The following HCK variants were observed in gnomAD, a reference collection of about 807,000 sequenced individuals.
HCK encodes HCK proto-oncogene, Src family tyrosine kinase, also known as tyrosine-protein kinase HCK.
Under a neutral mutation model 70.4 loss-of-function variants are expected in HCK, and 40 were observed. The observed-to-expected ratio is 0.57, with a 90% CI of 0.44 to 0.74. HCK has a LOEUF of 0.74. Ranked by LOEUF, HCK falls within the 30% of genes least tolerant of loss-of-function variation. The probability of loss-of-function intolerance (pLI) is 0.00; values close to 1 mark genes in which losing one functional copy is unlikely to be tolerated. For missense variants in HCK, 568 were observed against 697.2 expected, an observed-to-expected ratio of 0.81 and a Z score of 2.09; for synonymous variants, 245 against 263.2, an observed-to-expected ratio of 0.93 and a Z score of 0.67.
intron 1 of HCK, among the ~76,000 whole-genome samples, chr20:32,067,198 T>A (rs1231969268): frequency 3.9e-5 from 6 of 152,220 alleles, no homozygotes; most frequent in African/African-American, 1.4e-4. Context: ...CCCTAGTAGC[T>A]TATTTTTCTT....
At position 32,094,769 on chromosome 20, in the gene HCK, GAA is replaced by G. The variant is rs1315755367; in HGVS notation, c.1246+755_1246+756del. On this transcript the variant is annotated intron_variant, in intron 11 of 12. Transcript: ENST00000375852. Reference sequence around the variant, plus strand: ...AGAAAGAAAGAAAGAAAGAAGGAAAGAAAGAAAGAGAGAGAAAGAGAAAGAAA... The same window carrying G: ...AGAAAGAAAGAAAGAAAGAAGGAAAGAGAAAGAGAGAGAAAGAGAAAGAAA... Among the ~76,000 whole-genome samples the G allele has an allele frequency of 2.8e-4, 34 of 119,856 alleles. 1 individual carries two copies. The highest frequency in any genetic ancestry group is 3.4e-4 in the Admixed American group (4 of 11,712). The allele number at this position is 119,856 out of a possible 152,430, so 78.6% of individuals were successfully genotyped here. A position where few individuals can be genotyped will look rare whatever the true frequency, so the allele number is the denominator to read the frequency against.
chr20:32,073,478 A>G (rs1313798348), intron 3 of HCK, 117 bp downstream of exon 3: 1 of 936,406 alleles, frequency 1.1e-6, no homozygotes, highest in Non-Finnish European at 1.6e-6. Flanking sequence ...AGAATCCCCA[A>G]AATTTCCTCT....
chr20:32,060,625 A>T (rs1448504237), intron 1 of HCK, among the ~76,000 whole-genome samples: 1 of 152,212 alleles, frequency 6.6e-6, no homozygotes, highest in Non-Finnish European at 1.5e-5. Flanking sequence ...CTCATATCCT[A>T]TTGGTCAGAT....
At chr20:32,054,080 A>T (rs1379853082) in intron 1 of HCK, 3 of 391,294 alleles carry the variant, frequency 7.7e-6, no homozygotes, top group Non-Finnish European at 1.5e-5. Context: ...AGAATCCACC[A>T]TCCAGAATTA....
At chr20:32,078,921 G>C (rs979369865) in intron 5 of HCK, among the ~76,000 whole-genome samples, 1 of 150,066 alleles carries the variant, frequency 6.7e-6, no homozygotes, top group Non-Finnish European at 1.5e-5. Context: ...GAGCTGTTGG[G>C]TGGATAGCAA....
At chr20:32,061,162 T>G (rs1372091062) in intron 1 of HCK, among the ~76,000 whole-genome samples, 1 of 152,160 alleles carries the variant, frequency 6.6e-6, no homozygotes, top group Non-Finnish European at 1.5e-5. Flanking sequence ...TTTTGTATTT[T>G]TAGTAGAGAC....
In HCK at chr20:32,071,707, A is replaced by G; in HGVS notation, c.108A>G (p.Thr36=). Reference sequence around the variant, plus strand: ...AGTTCCTCCAGGTCGGAGGCAATACATTCTCAAAAACTGAAACCAGCGCCA... The same window carrying G: ...AGTTCCTCCAGGTCGGAGGCAATACGTTCTCAAAAACTGAAACCAGCGCCA... The change falls in exon 2 of 13, where the codon ACA becomes ACG. Residue 36 remains threonine (T), a synonymous_variant. Coordinates refer to ENST00000375852, the MANE Select transcript of HCK (RefSeq NM_002110.5). 1 of 1,614,146 alleles carries G rather than the reference A, an allele frequency of 6.2e-7. No individual in the cohort carries two copies.
At chr20:32,058,641 T>C (rs145348032) in intron 1 of HCK, among the ~76,000 whole-genome samples, 118 of 70,478 alleles carry the variant, frequency 1.7e-3, no homozygotes, top group Middle Eastern at 0.018. Flanking sequence ...CACACACACA[T>C]ACACACACTA....
At chr20:32,091,625 C>T (rs749130721) in intron 10 of HCK, among the ~76,000 whole-genome samples, 19 of 151,994 alleles carry the variant, frequency 1.3e-4, no homozygotes, top group African/African-American at 4.1e-4. Context: ...ATCCCCATTT[C>T]GTCCCCACCC....
chr20:32,079,970 G>C lies in HCK; in HGVS notation c.532+93G>C, dbSNP rs566468005. The C allele has an allele frequency of 4.1e-6, 4 of 973,090 alleles. No individual in the cohort carries two copies. The East Asian group carries it at 1.1e-4, about 26-fold the overall frequency. The allele number at this position is 973,090 out of a possible 1,614,324, so 60.3% of individuals were successfully genotyped here. On this transcript the variant is annotated intron_variant, in intron 6 of 12. Transcript: ENST00000375852. Reference sequence around the variant, plus strand: ...TTCCTTGGAAAATGCCCTGGGAAAGGCTGAAAAACCCAACCAGGTGCTGTG... The same window carrying C: ...TTCCTTGGAAAATGCCCTGGGAAAGCCTGAAAAACCCAACCAGGTGCTGTG...
chr20:32,088,976 A>C (rs1253731611), intron 10 of HCK, among the ~76,000 whole-genome samples: 2 of 152,188 alleles, frequency 1.3e-5, no homozygotes, highest in East Asian at 3.9e-4. Flanking sequence ...TCTGCTCGTC[A>C]TGGTAAAGTG....
At chr20:32,057,193 C>G (rs1227344411) in intron 1 of HCK, among the ~76,000 whole-genome samples, 1 of 152,240 alleles carries the variant, frequency 6.6e-6, no homozygotes, top group South Asian at 2.1e-4. Flanking sequence ...CCAGCTTGCA[C>G]AGCCCTTGCC....
chr20:32,092,287 T>C (rs1416015957), intron 10 of HCK, among the ~76,000 whole-genome samples: 1 of 152,162 alleles, frequency 6.6e-6, no homozygotes, highest in East Asian at 1.9e-4. Flanking sequence ...AGAATTTTCC[T>C]GGTGGTGTGA....
chr20:32,074,612 A>G lies in HCK; in HGVS notation c.330-11A>G, dbSNP rs750337605. 1.3e-6 allele frequency: 2 copies of G among 1,593,874 alleles called. No homozygotes were observed. Among genetic ancestry groups the G allele is most frequent in the Non-Finnish European group, 1.7e-6 (2 of 1,161,638 alleles). On this transcript the variant is annotated splice_polypyrimidine_tract_variant and intron_variant, in intron 4 of 12. Transcript: ENST00000375852. ...CTGTCCCTAACACCTTTACTCCCTC[A>G]TGTCCCTCAGATCCGGGGAGTGGTG...
intron 10 of HCK, among the ~76,000 whole-genome samples, chr20:32,092,520 C>G (rs940040213): frequency 6.6e-6 from 1 of 152,186 alleles, no homozygotes; most frequent in African/African-American, 2.4e-5. Context: ...TAAGAATCCT[C>G]CACGCAGTCT....
At chr20:32,060,647 A>G (rs373544558) in intron 1 of HCK, among the ~76,000 whole-genome samples, 51 of 152,340 alleles carry the variant, frequency 3.3e-4, no homozygotes, top group African/African-American at 1.2e-3. Context: ...GATAATAAAC[A>G]AATCAACAGG....
chr20:32,095,082 C>T (rs752563370), intron 11 of HCK, among the ~76,000 whole-genome samples: 2 of 152,168 alleles, frequency 1.3e-5, no homozygotes, highest in Admixed American at 6.5e-5. Flanking sequence ...AATTGATGAA[C>T]AGACGAACAA....
intron 1 of HCK, among the ~76,000 whole-genome samples, chr20:32,068,293 C>A (rs2045489037): frequency 6.8e-6 from 1 of 146,528 alleles, no homozygotes; most frequent in African/African-American, 2.5e-5. Flanking sequence ...AGCAAAACTC[C>A]ATCTCAAAAA....
Position 32,089,200 on chromosome 20 carries a change from A to T in HCK, c.1092+556A>T, listed in dbSNP as rs555782880. ...CCTGCATCAGGCTTGCTAATGGCCC[A>T]TTGGCCAAGTCACATAGCCATGCCC... On this transcript the variant is annotated intron_variant, in intron 10 of 12. Coordinates refer to ENST00000375852, the MANE Select transcript of HCK (RefSeq NM_002110.5). Among the ~76,000 whole-genome samples, 8 of 152,396 alleles carry T rather than the reference A, an allele frequency of 5.2e-5. No individual in the cohort carries two copies. The East Asian group carries it at 1.2e-3, about 22-fold the overall frequency.
Sources: allele counts gnomAD v4.1 joint callset (sites outside exome capture counted in the v4.1 genomes callset), GRCh38; gene constraint gnomAD v4.1.1; transcripts MANE v1.5; gene names NCBI Gene and HGNC (gene_info 2026-07-23, HGNC 2026-07-21).